MARCO: variants seen among roughly 807,000 people sequenced by gnomAD.
MARCO encodes macrophage receptor with collagenous structure.
Under a neutral mutation model 70.0 loss-of-function variants are expected in MARCO, and 72 were observed. The observed-to-expected ratio is 1.03, with a 90% CI of 0.85 to 1.25. The LOEUF (loss-of-function observed/expected upper bound fraction) is 1.25, where lower values mean the gene tolerates loss of function less well. Ranked by LOEUF, MARCO falls within the 50% of genes most tolerant of loss-of-function variation. The pLI, the probability that MARCO is intolerant of heterozygous loss-of-function variation, is 0.00. For synonymous variants in MARCO, 273 were observed against 243.1 expected, an observed-to-expected ratio of 1.12 and a Z score of -1.14; for missense variants, 696 against 659.3, an observed-to-expected ratio of 1.06 and a Z score of -0.61.
At chr2:118,965,797 G>A (rs1395903927) in intron 1 of MARCO, among the ~76,000 whole-genome samples, 1 of 152,160 alleles carries the variant, frequency 6.6e-6, no homozygotes, top group African/African-American at 2.4e-5. Flanking sequence ...ACGTTATTTT[G>A]ATCCACTTTG....
At chr2:118,953,045 T>G (rs1292371289) in intron 1 of MARCO, 1 of 152,296 alleles carries the variant, frequency 6.6e-6, no homozygotes, top group East Asian at 1.9e-4. Flanking sequence ...CCTTGCTGCG[T>G]GTCCTATGTC....
At chr2:118,943,518 G>A (rs1679541908) in intron 1 of MARCO, among the ~76,000 whole-genome samples, 1 of 152,184 alleles carries the variant, frequency 6.6e-6, no homozygotes, top group African/African-American at 2.4e-5. Context: ...TGGCACGAGG[G>A]GACAGGGGAC....
In MARCO at chr2:118,985,008, C is replaced by A. The variant is rs2011839; in HGVS notation, c.1063+2598C>A. Among the ~76,000 whole-genome samples, 4 of 151,986 alleles carry A rather than the reference C, an allele frequency of 2.6e-5. No individual in the cohort carries two copies. The East Asian group carries it at 7.7e-4, about 29-fold the overall frequency. The stretch of plus-strand genomic sequence containing the variant: ...AGGTGACAGCTAGGTTTCATTACTG[C>A]GCATTAATTATTTTAAAAACATGAG... On this transcript the variant is annotated intron_variant, in intron 12 of 16. Transcript: ENST00000327097.
At chr2:118,985,263 G>A (rs1032033013) in intron 12 of MARCO, among the ~76,000 whole-genome samples, 5 of 152,112 alleles carry the variant, frequency 3.3e-5, no homozygotes, top group Admixed American at 1.3e-4. Flanking sequence ...ATGGAAGAAC[G>A]TAGAGTGTAT....
chr2:118,979,804 G>C (rs895844830), intron 8 of MARCO, among the ~76,000 whole-genome samples: 1 of 152,162 alleles, frequency 6.6e-6, no homozygotes, highest in African/African-American at 2.4e-5. Flanking sequence ...CTGGTGGCTG[G>C]GCTGTGCAAA....
intron 1 of MARCO, among the ~76,000 whole-genome samples, chr2:118,951,268 G>C (rs1048546046): frequency 3.3e-5 from 5 of 152,204 alleles, no homozygotes; most frequent in African/African-American, 9.7e-5. Context: ...TTCCTCCTAG[G>C]TCTGGTGGGA....
At chr2:118,961,436 T>A (rs1409388880) in intron 1 of MARCO, among the ~76,000 whole-genome samples, 1 of 152,196 alleles carries the variant, frequency 6.6e-6, no homozygotes, top group East Asian at 1.9e-4. Flanking sequence ...GGTATCTCAT[T>A]GTGGTTTTGA....
At chr2:118,981,931 T>C (rs1016207979) in intron 10 of MARCO, among the ~76,000 whole-genome samples, 1 of 152,100 alleles carries the variant, frequency 6.6e-6, no homozygotes, top group Non-Finnish European at 1.5e-5. Flanking sequence ...AGTCCATAAG[T>C]CCCAGGCCCT....
At chr2:118,958,916 G>A (rs980824242) in intron 1 of MARCO, among the ~76,000 whole-genome samples, 1 of 152,090 alleles carries the variant, frequency 6.6e-6, no homozygotes, top group African/African-American at 2.4e-5. Flanking sequence ...AATGGTGCTG[G>A]GATAATTGGC....
intron 1 of MARCO, chr2:118,949,999 C>T (rs1053584414): frequency 6.6e-6 from 1 of 152,136 alleles, no homozygotes; most frequent in Non-Finnish European, 1.5e-5. Flanking sequence ...TTGTTTTAAA[C>T]GTGGGTACAT....
chr2:118,986,664 G>GAAAGAAA, intron 12 of MARCO, among the ~76,000 whole-genome samples: 1 of 35,360 alleles, frequency 2.8e-5, no homozygotes, highest in Non-Finnish European at 4.5e-5. Context: ...AAGGAAGGAA[G>GAAAGAAA]GAAGGAAGGA....
chr2:118,953,199 G>A (rs1679761171), intron 1 of MARCO, among the ~76,000 whole-genome samples: 1 of 152,186 alleles, frequency 6.6e-6, no homozygotes, highest in Admixed American at 6.5e-5. Flanking sequence ...TCCAAATAAG[G>A]AAGGGGCATA....
Position 118,990,569 on chromosome 2 carries a change from C to CGGGGG in MARCO, c.1064-20_1064-19insGGGGG. The CGGGGG allele has an allele frequency of 2.3e-5, 33 of 1,415,682 alleles. No homozygotes were observed. Among genetic ancestry groups the CGGGGG allele is most frequent in the Non-Finnish European group, 2.9e-5 (30 of 1,028,056 alleles). 87.7% of individuals were successfully genotyped at this position (1,415,682 alleles called of 1,614,324 possible). A position where few individuals can be genotyped will look rare whatever the true frequency, so the allele number is the denominator to read the frequency against. On this transcript the variant is annotated intron_variant, in intron 12 of 16. Transcript: ENST00000327097. ...AGTTTTATTATCTCCTCCCCCCCCC[C>CGGGGG]TTTTTTGTTTTGATCTTAGGACTTC...
chr2:118,993,128 A>G lies in MARCO; in HGVS notation c.1257A>G (p.Glu419=). ...CATGTGTGTTTCTTCACCCAGGTGA[A>G]AACTCAGTGTCCGTCAGGATTGTCG... ...GVKGEKGERG[E]NSVSVRIVGS... is the part of the protein sequence containing the mutation. The change falls in exon 16 of 17, where the codon GAA becomes GAG. Residue 419 remains glutamate, a synonymous_variant. Transcript: ENST00000327097. 19 of 1,614,194 alleles carry G rather than the reference A, an allele frequency of 1.2e-5. No homozygotes were observed. The highest frequency in any genetic ancestry group is 1.6e-5 in the Non-Finnish European group (19 of 1,180,004).
At chr2:118,980,707 G>T (rs572216524) in intron 8 of MARCO, among the ~76,000 whole-genome samples, 2 of 152,104 alleles carry the variant, frequency 1.3e-5, no homozygotes, top group African/African-American at 4.8e-5. Context: ...GCTGATGGTG[G>T]GACCTTGGCA....
intron 15 of MARCO, 36 bp downstream of exon 15, chr2:118,992,512 T>C: frequency 1.3e-6 from 2 of 1,529,676 alleles, no homozygotes; most frequent in Non-Finnish European, 1.8e-6. Flanking sequence ...ATGTGTGCTT[T>C]AAAGTCAATT....
intron 12 of MARCO, among the ~76,000 whole-genome samples, chr2:118,985,375 AC>A: frequency 6.6e-6 from 1 of 151,772 alleles, no homozygotes; most frequent in East Asian, 1.9e-4. Context: ...AAGCCTTTCT[AC>A]CTCCTCCACA....
At chr2:118,970,469 C>A in intron 3 of MARCO, 131 bp downstream of exon 3, 2 of 668,460 alleles carry the variant, frequency 3.0e-6, no homozygotes, top group Non-Finnish European at 5.2e-6. Flanking sequence ...TTAGAGCAAC[C>A]AGCTCAATGC....
At chr2:118,994,238 G>C in intron 16 of MARCO, 149 bp from the exon 17 acceptor site, 1 of 782,334 alleles carries the variant, frequency 1.3e-6, no homozygotes, top group Non-Finnish European at 2.1e-6. Flanking sequence ...GGCTAAGCCA[G>C]CCATCAGCAC....
Sources: gnomAD v4.1 joint callset for allele counts (sites outside exome capture counted in the v4.1 genomes callset) on GRCh38, gnomAD v4.1.1 for gene constraint, MANE v1.5 for transcripts, NCBI Gene and HGNC (gene_info 2026-07-23, HGNC 2026-07-21) for gene names.